Variants in NFIX observed in about 807,000 individuals in gnomAD.
NFIX encodes nuclear factor 1 X-type.
Under a neutral mutation model 53.3 loss-of-function variants are expected in NFIX, and 2 were observed. The observed-to-expected ratio is 0.04, with a 90% confidence interval of 0.02 to 0.12. NFIX has a LOEUF of 0.12. NFIX is among the 10% of genes least tolerant of loss of function. The pLI is 1.00. For missense variants in NFIX, 310 were observed against 674.5 expected, an observed-to-expected ratio of 0.46 and a Z score of 5.99; for synonymous variants, 244 against 289.0, an observed-to-expected ratio of 0.84 and a Z score of 1.58.
intron 1 of NFIX, among the ~76,000 whole-genome samples, chr19:13,010,318 C>A (rs1271837873): frequency 6.6e-6 from 1 of 152,248 alleles, no homozygotes; most frequent in Non-Finnish European, 1.5e-5. Context: ...CGCACACCCC[C>A]TGGCCCTGCG....
In NFIX at chr19:13,022,285, C is replaced by T. The variant is rs1477069526; in HGVS notation, c.28-2736C>T. On this transcript the variant is annotated intron_variant, in intron 1 of 10. Transcript: ENST00000592199. The surrounding 1 kb of genome is among the most constrained non-coding windows in gnomAD (Gnocchi z 4.5). ...GTGTTGCGTTGGCATCCCTCGTCAC[C>T]GCTAATGGAGTGTGCGTGGCTGGGT... 3.3e-5 allele frequency among the ~76,000 whole-genome samples: 5 copies of T among 152,054 alleles called. No homozygotes were observed. The East Asian group carries it at 7.7e-4, about 23-fold the overall frequency.
chr19:13,036,059 G>T lies in NFIX; in HGVS notation c.559+10507G>T, dbSNP rs2014164373. On this transcript the variant is annotated intron_variant, in intron 2 of 10. Transcript: ENST00000592199. The surrounding 1 kb of genome is among the most constrained non-coding windows in gnomAD (Gnocchi z 4.7). ...TGGTGGTATAACCCCGACCACAGAA[G>T]TCAGGGCCTAAGCCTCAGCCTGCCC... Among the ~76,000 whole-genome samples, 1 of 152,222 alleles carries T rather than the reference G, an allele frequency of 6.6e-6. No homozygotes were observed. Among genetic ancestry groups the T allele is most frequent in the South Asian group, 2.1e-4 (1 of 4,836 alleles).
chr19:13,090,500 G>T lies in NFIX; in HGVS notation c.1494+110G>T. ...GGAGTCCTTGGGGCTAACAGGGAGA[G>T]AGAGGTCTGAGGTGGGGCTGGAGGG... On this transcript the variant is annotated intron_variant, in intron 10 of 10. Transcript: ENST00000592199. The surrounding 1 kb of genome is among the most constrained non-coding windows in gnomAD (Gnocchi z 6.6). 1 of 1,059,522 alleles carries T rather than the reference G, an allele frequency of 9.4e-7. No individual in the cohort carries two copies. The highest frequency in any genetic ancestry group is 1.4e-6 in the Non-Finnish European group (1 of 689,710). 65.6% of individuals were successfully genotyped at this position (1,059,522 alleles called of 1,614,324 possible).
rs1164542961 is a variant in NFIX at position 13,073,634 on chromosome 19, G to A, written c.697+138G>A. The stretch of plus-strand genomic sequence containing the variant: ...TTCTGGGACACTCTCGGCTTCACTG[G>A]TGCTGGGCTGGGTACAATAGAGTCT... On this transcript the variant is annotated intron_variant, in intron 4 of 10. Coordinates refer to ENST00000592199, the MANE Select transcript of NFIX (RefSeq NM_001365902.3). This position sits in a 1 kb window ranked among gnomAD's most constrained non-coding sequence, Gnocchi z 4.5. The A allele has an allele frequency of 2.4e-6, 2 of 841,242 alleles. No homozygotes were observed. Among genetic ancestry groups the A allele is most frequent in the East Asian group, 2.6e-5 (1 of 39,158 alleles). 52.1% of individuals were successfully genotyped at this position (841,242 alleles called of 1,614,324 possible).
rs1372786907 is a variant in NFIX, at chr19:13,006,021, C to A, written c.27+10157C>A. Among the ~76,000 whole-genome samples the A allele has an allele frequency of 6.6e-6, 1 of 152,220 alleles. No individual in the cohort carries two copies. Among genetic ancestry groups the A allele is most frequent in the Non-Finnish European group, 1.5e-5 (1 of 68,034 alleles). ...ATATTTACCAAGCACCTCCTGGGTG[C>A]CAGGCTCTGTTTTAGGCCCCGGGGG... On this transcript the variant is annotated intron_variant, in intron 1 of 10. Transcript: ENST00000592199. This position sits in a 1 kb window ranked among gnomAD's most constrained non-coding sequence, Gnocchi z 5.6.
chr19:13,029,658 GCCTCCCCTC>G (rs995188823), intron 2 of NFIX, among the ~76,000 whole-genome samples: 1 of 152,128 alleles, frequency 6.6e-6, no homozygotes, highest in African/African-American at 2.4e-5. Flanking sequence ...AGCAGATTCG[GCCTCCCCTC>G]CCTCCCTACC....
rs2011990677 is a variant in NFIX at position 13,005,945 on chromosome 19, G to A, written c.27+10081G>A. 6.6e-6 allele frequency among the ~76,000 whole-genome samples: 1 copy of A among 152,180 alleles called. No individual in the cohort carries two copies. The highest frequency in any genetic ancestry group is 1.5e-5 in the Non-Finnish European group (1 of 68,030). ...CCCACACCTTGCTGGGCACCCAGCC[G>A]GAGCTCAAATGCTGGGGGTGCAGCC... On this transcript the variant is annotated intron_variant, in intron 1 of 10. Coordinates refer to ENST00000592199, the MANE Select transcript of NFIX (RefSeq NM_001365902.3). The surrounding 1 kb of genome is among the most constrained non-coding windows in gnomAD (Gnocchi z 4.7).
rs183512910 is a variant in NFIX at position 13,004,174 on chromosome 19, G to A, written c.27+8310G>A. On this transcript the variant is annotated intron_variant, in intron 1 of 10. Coordinates refer to ENST00000592199, the MANE Select transcript of NFIX (RefSeq NM_001365902.3). Reference sequence around the variant, plus strand: ...ACAATGGAACCCCTCAACCCTCGCCGACCACAAAGAATGATCCAGCCCCAA... The same window carrying A: ...ACAATGGAACCCCTCAACCCTCGCCAACCACAAAGAATGATCCAGCCCCAA... Among the ~76,000 whole-genome samples the A allele has an allele frequency of 3.8e-4, 57 of 151,954 alleles. 2 individuals carry two copies. In the East Asian group the frequency reaches 9.4e-3, roughly 25 times the overall value.
At chr19:13,023,350 C>T (rs2013068698) in intron 1 of NFIX, among the ~76,000 whole-genome samples, 1 of 151,788 alleles carries the variant, frequency 6.6e-6, no homozygotes, top group South Asian at 2.1e-4. Context: ...CGCTCCCTCT[C>T]TCTCTTTTGC....
chr19:13,000,286 C>T lies in NFIX; in HGVS notation c.27+4422C>T, dbSNP rs554270822. Among the ~76,000 whole-genome samples the T allele has an allele frequency of 2.6e-5, 4 of 152,224 alleles. No individual in the cohort carries two copies. In the South Asian group the frequency reaches 8.3e-4, roughly 32 times the overall value. On this transcript the variant is annotated intron_variant, in intron 1 of 10. Coordinates refer to ENST00000592199, the MANE Select transcript of NFIX (RefSeq NM_001365902.3). ...TGTGGTGCCTGGCACATAGTGTGTGCTCCATAAATGGTAATTGTTGCCAAT... is the reference window on the plus strand; with the variant it reads ...TGTGGTGCCTGGCACATAGTGTGTGTTCCATAAATGGTAATTGTTGCCAAT...
intron 2 of NFIX, among the ~76,000 whole-genome samples, chr19:13,029,688 G>A (rs145319644): frequency 1.7e-4 from 26 of 152,224 alleles, no homozygotes; most frequent in Non-Finnish European, 2.6e-4. Context: ...TTCAGGTCCC[G>A]GGACAGCTGA....
At chr19:13,054,150 G>A (rs2015502008) in intron 2 of NFIX, among the ~76,000 whole-genome samples, 2 of 152,172 alleles carry the variant, frequency 1.3e-5, no homozygotes, top group Non-Finnish European at 2.9e-5. Flanking sequence ...CGTCTCTACC[G>A]TGGACAGATC....
rs935359603 is a variant in NFIX, at chr19:13,072,996, T to G, written c.560-51T>G. The G allele has an allele frequency of 1.3e-6, 2 of 1,571,260 alleles. No individual in the cohort carries two copies. Among genetic ancestry groups the G allele is most frequent in the African/African-American group, 1.4e-5 (1 of 74,024 alleles). ...GGAGGGGCCAATGCTTGGCTGGTGC[T>G]TATGGGGAACTTTGCTCCTGATACA... is the stretch of plus-strand genomic sequence containing the variant. On this transcript the variant is annotated intron_variant, in intron 2 of 10. Transcript: ENST00000592199. This position sits in a 1 kb window ranked among gnomAD's most constrained non-coding sequence, Gnocchi z 4.0.
At chr19:13,020,151 C>T (rs1210870230) in intron 1 of NFIX, among the ~76,000 whole-genome samples, 1 of 152,160 alleles carries the variant, frequency 6.6e-6, no homozygotes, top group Non-Finnish European at 1.5e-5. Context: ...GCGGTCTGAT[C>T]TCCTGCCTGG....
At position 13,073,247 on chromosome 19, in the gene NFIX, G is replaced by A; in HGVS notation, c.622+138G>A. 1.0e-6 allele frequency: 1 copy of A among 999,868 alleles called. No homozygotes were observed. Among genetic ancestry groups the A allele is most frequent in the Non-Finnish European group, 1.6e-6 (1 of 626,066 alleles). The allele number at this position is 999,868 out of a possible 1,614,324, so 61.9% of individuals were successfully genotyped here. On this transcript the variant is annotated intron_variant, in intron 3 of 10. Transcript: ENST00000592199. This position sits in a 1 kb window ranked among gnomAD's most constrained non-coding sequence, Gnocchi z 4.5. ...TTGACTGAGCTTAGCTTGCTGTCCT[G>A]AGGGGATGGGGGCACACCTAGAGGA...
rs1323981571 is a variant in NFIX at position 13,014,373 on chromosome 19, A to G, written c.28-10648A>G. On this transcript the variant is annotated intron_variant, in intron 1 of 10. Transcript: ENST00000592199. The surrounding 1 kb of genome is among the most constrained non-coding windows in gnomAD (Gnocchi z 4.4). ...CTGGTTTGCGCTAGAGCCGTTTAAA[A>G]AAGAAAGAAAGGAAGAAAGGAGCCG... 1.3e-5 allele frequency: 2 copies of G among 152,198 alleles called. No homozygotes were observed. Among genetic ancestry groups the G allele is most frequent in the African/African-American group, 4.8e-5 (2 of 41,444 alleles). The allele number at this position is 152,198 out of a possible 1,614,324, so 9.4% of individuals were successfully genotyped here.
At chr19:13,065,543 C>G (rs1340622408) in intron 2 of NFIX, among the ~76,000 whole-genome samples, 2 of 152,184 alleles carry the variant, frequency 1.3e-5, no homozygotes, top group Admixed American at 1.3e-4. Context: ...CCCATTGCTG[C>G]TGTGGCTGGG....
At chr19:13,084,814 A>T (rs952453878) in intron 8 of NFIX, among the ~76,000 whole-genome samples, 1 of 152,046 alleles carries the variant, frequency 6.6e-6, no homozygotes, top group Non-Finnish European at 1.5e-5. Flanking sequence ...TTATACCTGT[A>T]ATCCCAGCAC....
rs1448990611 is a variant in NFIX at position 13,051,688 on chromosome 19, C to T, written c.560-21359C>T. 6.6e-6 allele frequency among the ~76,000 whole-genome samples: 1 copy of T among 152,194 alleles called. No individual in the cohort carries two copies. The highest frequency in any genetic ancestry group is 1.5e-5 in the Non-Finnish European group (1 of 68,030). On this transcript the variant is annotated intron_variant, in intron 2 of 10. Coordinates refer to ENST00000592199, the MANE Select transcript of NFIX (RefSeq NM_001365902.3). The surrounding 1 kb of genome is among the most constrained non-coding windows in gnomAD (Gnocchi z 5.1). ...TCCTCCCTTCTTGGCCCTCTCCTCTCCCTGGGCCTCTTCCCCACGTGGCTC... is the reference window on the plus strand; with the variant it reads ...TCCTCCCTTCTTGGCCCTCTCCTCTTCCTGGGCCTCTTCCCCACGTGGCTC...
Sources: allele counts gnomAD v4.1 joint callset (sites outside exome capture counted in the v4.1 genomes callset), GRCh38; gene constraint gnomAD v4.1.1; non-coding constraint Gnocchi (gnomAD v3.1); transcripts MANE v1.5; gene names NCBI Gene and HGNC (gene_info 2026-07-23, HGNC 2026-07-21).